SCART1: variants seen among roughly 807,000 people sequenced by gnomAD.
The protein encoded by SCART1 is scavenger receptor family member expressed on T cells 1.
Under a neutral mutation model 36.2 loss-of-function variants are expected in SCART1, and 62 were observed. The ratio of observed to expected loss-of-function variants is 1.71; its 90% confidence interval spans 1.40 to 2.12. The LOEUF (loss-of-function observed/expected upper bound fraction) is 2.12, where lower values mean the gene tolerates loss of function less well. Ranked by LOEUF, SCART1 falls within the 30% of genes most tolerant of loss-of-function variation. SCART1 has a pLI of 0.00. For missense variants in SCART1, 1,041 were observed against 540.5 expected (o/e 1.93, Z -9.18); for synonymous variants, 487 against 238.7 (o/e 2.04, Z -9.59).
chr10:133,459,401 G>C (rs1253126012), intron 5 of SCART1, 75 bp downstream of exon 5: 3 of 612,834 alleles, frequency 4.9e-6, no homozygotes, highest in Non-Finnish European at 8.8e-6. Context: ...AAGGACAGAG[G>C]GGGCGGAGAG....
At chr10:133,458,518 G>A (rs964047644) in exon 4 of SCART1, 8 of 674,592 alleles carry the variant, frequency 1.2e-5, no homozygotes, top group East Asian at 5.4e-5. Context: ...GCCCGAGGGC[G>A]CCCGCTTCGG....
At position 133,459,009 on chromosome 10, in the gene SCART1, C is replaced by T. The variant is rs1850658724; in HGVS notation, c.980-12C>T. 3 of 665,916 alleles carry T rather than the reference C, an allele frequency of 4.5e-6. No individual in the cohort carries two copies. Among genetic ancestry groups the T allele is most frequent in the East Asian group, 2.7e-5 (1 of 36,774 alleles). 41.3% of individuals were successfully genotyped at this position (665,916 alleles called of 1,614,324 possible). On this transcript the variant is annotated splice_polypyrimidine_tract_variant and intron_variant, in intron 4 of 11. Transcript: ENST00000640237. Reference sequence around the variant, plus strand: ...CCGTCTGCAAGCCAGGCTGACTCCTCCTCTCCCCCAGAGTTCAGGATGGTC... The same window carrying T: ...CCGTCTGCAAGCCAGGCTGACTCCTTCTCTCCCCCAGAGTTCAGGATGGTC...
chr10:133,459,401 G>A (rs1253126012), intron 5 of SCART1, 75 bp downstream of exon 5: 6 of 612,834 alleles, frequency 9.8e-6, no homozygotes, highest in Non-Finnish European at 2.9e-6. Context: ...AAGGACAGAG[G>A]GGGCGGAGAG....
At chr10:133,462,873 A>G (rs1250505329) in intron 6 of SCART1, among the ~76,000 whole-genome samples, 1 of 152,224 alleles carries the variant, frequency 6.6e-6, no homozygotes, top group Non-Finnish European at 1.5e-5. Flanking sequence ...ACTGGGGCCC[A>G]GACTCAGTGA....
intron 1 of SCART1, among the ~76,000 whole-genome samples, 162 bp from the exon 2 acceptor site, chr10:133,456,075 C>T (rs1240697779): frequency 6.6e-6 from 1 of 152,110 alleles, no homozygotes; most frequent in African/African-American, 2.4e-5. Flanking sequence ...GAGGGTTTCT[C>T]TGTGAGCCGC....
chr10:133,465,586 A>G, intron 9 of SCART1, 21 bp downstream of exon 9: 1 of 570,094 alleles, frequency 1.8e-6, no homozygotes, highest in Middle Eastern at 4.6e-4. Context: ...GGCGGTGGGA[A>G]GTCGGTCATG....
chr10:133,460,306 G>A, intron 6 of SCART1, 136 bp downstream of exon 6: 1 of 398,412 alleles, frequency 2.5e-6, no homozygotes, highest in Non-Finnish European at 4.4e-6. Flanking sequence ...TGGATTGGGT[G>A]AGGTTCCTGT....
chr10:133,464,803 C>T lies in SCART1; in HGVS notation c.2167C>T (p.Arg723Trp), dbSNP rs764530982. The T allele has an allele frequency of 3.1e-5, 22 of 702,532 alleles. 1 individual carries two copies. Among genetic ancestry groups the T allele is most frequent in the South Asian group, 1.0e-4 (7 of 67,584 alleles). 43.5% of individuals were successfully genotyped at this position (702,532 alleles called of 1,614,324 possible). ...ACAGGCCCTTCCCCTCTGCGGGCAC[C>T]GGGACCGCCTGGGTGGACAACATCG... The change falls in exon 7 of 12, where the codon CGG (arginine) becomes TGG (tryptophan). Residue 723 changes from arginine (R) to tryptophan (W), a missense_variant. Physicochemically the swap from Arg to Trp is moderately radical, Grantham distance 101 (BLOSUM62 -3). Coordinates refer to ENST00000640237, the Ensembl canonical transcript of SCART1.
At chr10:133,463,504 C>CTTT (rs34222160) in intron 6 of SCART1, among the ~76,000 whole-genome samples, 14 of 125,722 alleles carry the variant, frequency 1.1e-4, no homozygotes, top group South Asian at 2.6e-4. Context: ...ACGTATTTGA[C>CTTT]TTTTTTTTTT....
At chr10:133,456,672 G>A (rs531020389) in intron 2 of SCART1, 118 bp downstream of exon 2, 49 of 592,292 alleles carry the variant, frequency 8.3e-5, no homozygotes, top group Middle Eastern at 4.4e-4. Flanking sequence ...GGAGACGGGC[G>A]GGGAGGCTGT....
chr10:133,454,068 A>G lies in SCART1; in HGVS notation c.67+4A>G, dbSNP rs778577396. 1.0e-5 allele frequency: 7 copies of G among 702,690 alleles called. No individual in the cohort carries two copies. Among genetic ancestry groups the G allele is most frequent in the Middle Eastern group, 2.3e-4 (1 of 4,392 alleles). The allele number at this position is 702,690 out of a possible 1,614,324, so 43.5% of individuals were successfully genotyped here. A position where few individuals can be genotyped will look rare whatever the true frequency, so the allele number is the denominator to read the frequency against. ...AATCTCTGGGCAGTCCCCATTGGTA[A>G]GTTTCTGCTTCCTTCATCCATGGAA... On this transcript the variant is annotated splice_donor_region_variant and intron_variant, in intron 1 of 11. Coordinates refer to ENST00000640237, the Ensembl canonical transcript of SCART1.
chr10:133,465,970 C>G, intron 9 of SCART1: 1 of 669,528 alleles, frequency 1.5e-6, no homozygotes, highest in Non-Finnish European at 2.7e-6. Flanking sequence ...CTGGTCACCT[C>G]TTGTGACTTG....
At chr10:133,455,634 C>A (rs1322284618) in intron 1 of SCART1, among the ~76,000 whole-genome samples, 2 of 151,958 alleles carry the variant, frequency 1.3e-5, no homozygotes, top group African/African-American at 4.8e-5. Flanking sequence ...TTAGGGGTGC[C>A]TCCGTGGCGG....
chr10:133,465,506 C>A, exon 9 of SCART1: 1 of 520,420 alleles, frequency 1.9e-6, no homozygotes, highest in Non-Finnish European at 3.3e-6. Context: ...GGCTGCCCTG[C>A]GGAGCGGTGG....
At position 133,460,496 on chromosome 10, in the gene SCART1, A is replaced by T. The variant is rs1026879937; in HGVS notation, c.1969+326A>T. 8.8e-5 allele frequency among the ~76,000 whole-genome samples: 12 copies of T among 136,012 alleles called. 1 individual carries two copies. The highest frequency in any genetic ancestry group is 8.1e-4 in the South Asian group (3 of 3,702). The allele number at this position is 136,012 out of a possible 152,430, so 89.2% of individuals were successfully genotyped here. On this transcript the variant is annotated intron_variant, in intron 6 of 11. Transcript: ENST00000640237. ...CATATATATATATATATATTTATATATTTTAAAAAATATTTTATATTTATT... is the reference window on the plus strand; with the variant it reads ...CATATATATATATATATATTTATATTTTTTAAAAAATATTTTATATTTATT...
At chr10:133,464,620 A>C (rs1366910618) in exon 7 of SCART1, 2 of 654,858 alleles carry the variant, frequency 3.1e-6, no homozygotes, top group East Asian at 5.4e-5. Flanking sequence ...GGTGGCTCTG[A>C]GGCTGCGAGG....
At position 133,467,771 on chromosome 10, in the gene SCART1, T is replaced by C. The variant is rs144767515; in HGVS notation, c.2963-76T>C. 3.6e-4 allele frequency: 210 copies of C among 590,176 alleles called. 4 individuals carry two copies. In the East Asian group the frequency reaches 5.9e-3, roughly 17 times the overall value. 36.6% of individuals were successfully genotyped at this position (590,176 alleles called of 1,614,324 possible). ...TTGACATGTTTATGCGTTCCTGTCT[T>C]ACGGGCTTTGCCAAATGTGCTCTGG... On this transcript the variant is annotated intron_variant, in intron 11 of 11. Transcript: ENST00000640237.
intron 6 of SCART1, among the ~76,000 whole-genome samples, chr10:133,462,046 G>C (rs919303088): frequency 6.6e-6 from 1 of 152,244 alleles, no homozygotes; most frequent in East Asian, 1.9e-4. Flanking sequence ...CTGGGTCTCA[G>C]CTATGCCTCG....
At chr10:133,457,903 C>T in intron 3 of SCART1, 1 of 516,562 alleles carries the variant, frequency 1.9e-6, no homozygotes, top group African/African-American at 1.9e-5. Flanking sequence ...GTCACTTCTT[C>T]CCAGCCCTGC....
Sources: allele counts gnomAD v4.1 joint callset (sites outside exome capture counted in the v4.1 genomes callset), GRCh38; gene constraint gnomAD v4.1.1; transcripts MANE v1.5; gene names NCBI Gene and HGNC (gene_info 2026-07-23, HGNC 2026-07-21).